Variants in ARL15 observed in about 807,000 individuals in gnomAD.
The protein encoded by ARL15 is ARF like GTPase 15, also known as ADP-ribosylation factor-like protein 15.
ARL15 carries 19 observed loss-of-function variants against 25.2 expected under a neutral mutation model. The ratio of observed to expected loss-of-function variants is 0.75; its 90% CI spans 0.53 to 1.10. ARL15 has a LOEUF of 1.10. Ranked by LOEUF, ARL15 falls within the 50% of genes least tolerant of loss-of-function variation. The pLI, the probability that ARL15 is intolerant of heterozygous loss-of-function variation, is 0.00. For synonymous variants in ARL15, 94 were observed against 86.8 expected (o/e 1.08, Z -0.46); for missense variants, 220 against 246.0 (o/e 0.89, Z 0.71).
At chr5:54,075,315 T>C (rs1751560943) in intron 4 of ARL15, among the ~76,000 whole-genome samples, 1 of 152,138 alleles carries the variant, frequency 6.6e-6, no homozygotes, top group African/African-American at 2.4e-5. Context: ...TTTCCCCAGG[T>C]AGACGTGAAG....
chr5:54,127,465 T>A lies in ARL15; in HGVS notation c.254-14055A>T, dbSNP rs574874261. 6.6e-5 allele frequency among the ~76,000 whole-genome samples: 10 copies of A among 151,918 alleles called. No homozygotes were observed. The East Asian group carries it at 1.8e-3, about 27-fold the overall frequency. On this transcript the variant is annotated intron_variant, in intron 3 of 4. Coordinates refer to ENST00000504924, the MANE Select transcript of ARL15 (RefSeq NM_019087.3). ...ACCTAGGAATCCAACTTACAAGGGATGTGAAGGACCTCTTCAAGGAGAACT... is the reference window on the plus strand; with the variant it reads ...ACCTAGGAATCCAACTTACAAGGGAAGTGAAGGACCTCTTCAAGGAGAACT...
chr5:54,015,457 C>T (rs915659388), intron 4 of ARL15, among the ~76,000 whole-genome samples: 2 of 152,164 alleles, frequency 1.3e-5, no homozygotes, highest in Non-Finnish European at 2.9e-5. Context: ...ATCTCCTTAA[C>T]ATCCATACAT....
At chr5:54,207,156 CAG>C (rs1397362206) in intron 1 of ARL15, among the ~76,000 whole-genome samples, 1 of 152,228 alleles carries the variant, frequency 6.6e-6, no homozygotes, top group African/African-American at 2.4e-5. Context: ...AAAAGGGACA[CAG>C]AAGCCACTGG....
chr5:54,009,243 A>T (rs1337599833), intron 4 of ARL15, among the ~76,000 whole-genome samples: 1 of 152,190 alleles, frequency 6.6e-6, no homozygotes, highest in African/African-American at 2.4e-5. Context: ...CTTTTTAATC[A>T]TTTGGGAGAA....
chr5:54,229,223 G>C (rs1039668494), intron 1 of ARL15, among the ~76,000 whole-genome samples: 3 of 152,148 alleles, frequency 2.0e-5, no homozygotes, highest in African/African-American at 7.2e-5. Context: ...GCAAAAGCCT[G>C]TTGGGTCAGC....
At chr5:54,052,736 A>AGC (rs1410400474) in intron 4 of ARL15, among the ~76,000 whole-genome samples, 1 of 152,024 alleles carries the variant, frequency 6.6e-6, no homozygotes, top group Non-Finnish European at 1.5e-5. Context: ...TACATGGGCC[A>AGC]GCACACACAC....
At chr5:54,276,853 G>C (rs1374302914) in intron 1 of ARL15, among the ~76,000 whole-genome samples, 4 of 152,200 alleles carry the variant, frequency 2.6e-5, no homozygotes, top group African/African-American at 9.7e-5. Context: ...GAGGAATACA[G>C]ATAGCTGCTA....
At chr5:54,204,701 G>C (rs1420018472) in intron 1 of ARL15, among the ~76,000 whole-genome samples, 1 of 152,048 alleles carries the variant, frequency 6.6e-6, no homozygotes, top group Non-Finnish European at 1.5e-5. Flanking sequence ...ATTTTAAAAC[G>C]TAAAGGAGTT....
chr5:54,207,501 TC>T (rs1421798915), intron 1 of ARL15, among the ~76,000 whole-genome samples: 1 of 152,222 alleles, frequency 6.6e-6, no homozygotes, highest in Non-Finnish European at 1.5e-5. Context: ...AGAAAAGACC[TC>T]TTTAAAGTGG....
In ARL15 at chr5:54,173,142, T is replaced by C. The variant is rs189520771; in HGVS notation, c.49-1214A>G. 4.0e-5 allele frequency among the ~76,000 whole-genome samples: 6 copies of C among 148,250 alleles called. No individual in the cohort carries two copies. The East Asian group carries it at 1.2e-3, about 30-fold the overall frequency. On this transcript the variant is annotated intron_variant, in intron 1 of 4. Coordinates refer to ENST00000504924, the MANE Select transcript of ARL15 (RefSeq NM_019087.3). Reference sequence around the variant, plus strand: ...AGGTTGCAGTGAGCCAAGGTCACACTATTGCACTCCAGCCTGGGCAAAAAG... The same window carrying C: ...AGGTTGCAGTGAGCCAAGGTCACACCATTGCACTCCAGCCTGGGCAAAAAG...
intron 4 of ARL15, among the ~76,000 whole-genome samples, chr5:53,921,622 C>G (rs1191765290): frequency 6.6e-6 from 1 of 151,990 alleles, no homozygotes; most frequent in Non-Finnish European, 1.5e-5. Flanking sequence ...AAATACAAAA[C>G]TTAGCTGGGT....
chr5:54,092,611 T>A (rs1752164872), intron 4 of ARL15, among the ~76,000 whole-genome samples: 1 of 152,160 alleles, frequency 6.6e-6, no homozygotes, highest in Non-Finnish European at 1.5e-5. Context: ...TATTAACCTT[T>A]TAATCTTTGC....
intron 4 of ARL15, among the ~76,000 whole-genome samples, chr5:53,968,489 A>G (rs1747635790): frequency 6.6e-6 from 1 of 152,184 alleles, no homozygotes; most frequent in Non-Finnish European, 1.5e-5. Flanking sequence ...TCATAGCCAA[A>G]TCAAATAAGC....
chr5:54,066,246 A>C (rs150031336), intron 4 of ARL15, among the ~76,000 whole-genome samples: 1,756 of 152,328 alleles, frequency 0.012, 17 homozygotes, highest in Admixed American at 0.021. Flanking sequence ...CCCATTTGCC[A>C]ACAGAAAAGG....
chr5:54,081,340 G>A (rs1053301898), intron 4 of ARL15, among the ~76,000 whole-genome samples: 4 of 152,094 alleles, frequency 2.6e-5, no homozygotes, highest in African/African-American at 9.7e-5. Context: ...TACTAATGAT[G>A]GAATTGTATC....
At chr5:54,292,186 C>A (rs1229167618) in intron 1 of ARL15, among the ~76,000 whole-genome samples, 1 of 152,148 alleles carries the variant, frequency 6.6e-6, no homozygotes, top group Non-Finnish European at 1.5e-5. Flanking sequence ...CTCCTTACCC[C>A]ATCCCTAAAG....
intron 4 of ARL15, among the ~76,000 whole-genome samples, chr5:53,949,436 TTA>T: frequency 6.6e-6 from 1 of 152,332 alleles, no homozygotes. Flanking sequence ...ATGGGTCTTT[TTA>T]TGGATTTATA....
intron 4 of ARL15, among the ~76,000 whole-genome samples, chr5:53,995,302 A>T (rs1748632978): frequency 8.2e-6 from 1 of 122,510 alleles, no homozygotes; most frequent in African/African-American, 3.0e-5. Context: ...AGACTCCGTC[A>T]CAAAAAAAAA....
chr5:53,892,520 T>C (rs1044577289), intron 4 of ARL15, among the ~76,000 whole-genome samples: 1 of 152,198 alleles, frequency 6.6e-6, no homozygotes, highest in Non-Finnish European at 1.5e-5. Flanking sequence ...TTGCATGGCA[T>C]GTATTTTTCA....
Sources: gnomAD v4.1 joint callset for allele counts (sites outside exome capture counted in the v4.1 genomes callset) on GRCh38, gnomAD v4.1.1 for gene constraint, MANE v1.5 for transcripts, NCBI Gene and HGNC (gene_info 2026-07-23, HGNC 2026-07-21) for gene names.